Variants in COMMD7 observed in about 807,000 individuals in gnomAD.
COMMD7 encodes the protein COMM domain containing 7, also known as COMM domain-containing protein 7.
Under a neutral mutation model 34.8 loss-of-function variants are expected in COMMD7, and 28 were observed. That is an observed-to-expected ratio of 0.80 (90% CI 0.60 to 1.10). COMMD7 has a LOEUF of 1.10. COMMD7 is among the 50% of genes least tolerant of loss of function. The pLI, the probability that COMMD7 is intolerant of heterozygous loss-of-function variation, is 0.00. For missense variants in COMMD7, 211 were observed against 241.6 expected (o/e 0.87, Z 0.84); for synonymous variants, 80 against 86.4 (o/e 0.93, Z 0.41).
At chr20:32,728,612 G>A (rs1452536187) in intron 1 of COMMD7, among the ~76,000 whole-genome samples, 1 of 151,686 alleles carries the variant, frequency 6.6e-6, no homozygotes, top group East Asian at 1.9e-4. Flanking sequence ...TGTCACCCAG[G>A]CTGGAATGCA....
intron 3 of COMMD7, among the ~76,000 whole-genome samples, chr20:32,711,121 G>A (rs150862189): frequency 4.9e-4 from 74 of 151,888 alleles, no homozygotes; most frequent in Non-Finnish European, 8.4e-4. Flanking sequence ...CTTTGGCCGG[G>A]GGTGGTGGCT....
rs147442616 is a variant in COMMD7 at position 32,720,682 on chromosome 20, C to T, written c.241+7211G>A. Reference sequence around the variant, plus strand: ...AAATTAGCCAGGTGTGTTGGTGCACCGTAGTCCCAGCTACTCAGGAGGCTG... The same window carrying T: ...AAATTAGCCAGGTGTGTTGGTGCACTGTAGTCCCAGCTACTCAGGAGGCTG... On this transcript the variant is annotated intron_variant, in intron 3 of 8. Transcript: ENST00000278980. Among the ~76,000 whole-genome samples the T allele has an allele frequency of 1.0e-3, 154 of 151,700 alleles. 1 individual carries two copies. The highest frequency in any genetic ancestry group is 3.5e-3 in the African/African-American group (146 of 41,390).
At chr20:32,733,362 C>G (rs1985950954) in intron 1 of COMMD7, among the ~76,000 whole-genome samples, 1 of 151,930 alleles carries the variant, frequency 6.6e-6, no homozygotes, top group South Asian at 2.1e-4. Context: ...GGGGGGATAA[C>G]CAGAGGTTAG....
chr20:32,741,146 C>CA (rs1555828929), intron 1 of COMMD7, among the ~76,000 whole-genome samples: 1 of 94,586 alleles, frequency 1.1e-5, no homozygotes, highest in Non-Finnish European at 2.4e-5. Flanking sequence ...CCGTCTAAAA[C>CA]AAACAAACAA....
chr20:32,736,668 TCAAA>T lies in COMMD7; in HGVS notation c.84+6636_84+6639del, dbSNP rs541960935. On this transcript the variant is annotated intron_variant, in intron 1 of 8. Transcript: ENST00000278980. The stretch of plus-strand genomic sequence containing the variant: ...CTGGGTGATACAGCGAGACTCTGAC[TCAAA>T]CAAACAAACAAACAAACAACAACAA... Among the ~76,000 whole-genome samples the T allele has an allele frequency of 2.7e-4, 41 of 151,700 alleles. No homozygotes were observed. In the South Asian group the frequency reaches 2.7e-3, roughly 10 times the overall value.
chr20:32,722,809 C>A (rs1985252701), intron 3 of COMMD7, among the ~76,000 whole-genome samples: 2 of 150,652 alleles, frequency 1.3e-5, no homozygotes, highest in South Asian at 4.2e-4. Context: ...ATCACGAGGT[C>A]AAGAGATCGA....
chr20:32,730,386 C>G (rs1321512715), intron 1 of COMMD7, among the ~76,000 whole-genome samples: 1 of 151,730 alleles, frequency 6.6e-6, no homozygotes, highest in Non-Finnish European at 1.5e-5. Flanking sequence ...GAAACCCCGT[C>G]TCTACTAAGA....
At chr20:32,735,225 G>A (rs1180811718) in intron 1 of COMMD7, among the ~76,000 whole-genome samples, 3 of 113,930 alleles carry the variant, frequency 2.6e-5, no homozygotes, top group African/African-American at 6.3e-5. Flanking sequence ...GCAACAGCGC[G>A]AGACTCAAAA....
chr20:32,741,836 T>TA (rs1378855826), intron 1 of COMMD7, among the ~76,000 whole-genome samples: 7 of 152,188 alleles, frequency 4.6e-5, no homozygotes, highest in African/African-American at 1.7e-4. Flanking sequence ...CAATGCGCTA[T>TA]ACCATATATC....
At chr20:32,717,707 C>G (rs1984882641) in intron 3 of COMMD7, among the ~76,000 whole-genome samples, 1 of 151,978 alleles carries the variant, frequency 6.6e-6, no homozygotes, top group South Asian at 2.1e-4. Flanking sequence ...AGAGATTCTC[C>G]CCCTTTGACT....
Position 32,743,258 on chromosome 20 carries a change from A to C in COMMD7, c.84+50T>G, listed in dbSNP as rs776748097. On this transcript the variant is annotated intron_variant, in intron 1 of 8. Transcript: ENST00000278980. ...GACGTCCCCCCCACCCCAGGCCCGG[A>C]TCCTGGAATCACCTGGGCCCCGCGC... The C allele has an allele frequency of 1.7e-4, 93 of 533,596 alleles. 4 individuals carry two copies. Among genetic ancestry groups the C allele is most frequent in the African/African-American group, 1.2e-3 (52 of 44,300 alleles). The allele number at this position is 533,596 out of a possible 1,614,324, so 33.1% of individuals were successfully genotyped here.
chr20:32,736,290 G>T (rs1377154752), intron 1 of COMMD7, among the ~76,000 whole-genome samples: 1 of 152,212 alleles, frequency 6.6e-6, no homozygotes, highest in Non-Finnish European at 1.5e-5. Flanking sequence ...ACTTGGAGAA[G>T]TCTGATTATC....
At chr20:32,703,706 G>T in intron 8 of COMMD7, 1 of 1,440,242 alleles carries the variant, frequency 6.9e-7, no homozygotes, top group African/African-American at 1.4e-5. Context: ...AGATGAAAGG[G>T]TATCATTCGG....
At chr20:32,707,527 C>A (rs1290242475) in intron 3 of COMMD7, among the ~76,000 whole-genome samples, 1 of 151,764 alleles carries the variant, frequency 6.6e-6, no homozygotes, top group Admixed American at 6.6e-5. Context: ...ACCATGTTGA[C>A]CAGGCTGGTC....
chr20:32,721,806 G>T (rs1275387875), intron 3 of COMMD7, among the ~76,000 whole-genome samples: 1 of 152,002 alleles, frequency 6.6e-6, no homozygotes, highest in Non-Finnish European at 1.5e-5. Context: ...TAAGGCAGGA[G>T]AATTGCTTGA....
At chr20:32,725,514 C>T (rs1353581781) in intron 3 of COMMD7, among the ~76,000 whole-genome samples, 46 of 149,684 alleles carry the variant, frequency 3.1e-4, no homozygotes, top group Non-Finnish European at 8.9e-5. Flanking sequence ...CTGCAAACTC[C>T]GCCTCCCGGG....
At chr20:32,739,514 G>A (rs914617995) in intron 1 of COMMD7, among the ~76,000 whole-genome samples, 12 of 150,640 alleles carry the variant, frequency 8.0e-5, no homozygotes, top group African/African-American at 2.7e-4. Context: ...GAGTAGTGGC[G>A]GGTGCCTGTA....
intron 1 of COMMD7, among the ~76,000 whole-genome samples, chr20:32,733,255 GA>G (rs917011066): frequency 2.6e-5 from 4 of 151,886 alleles, no homozygotes; most frequent in Admixed American, 6.6e-5. Flanking sequence ...ATTGAAGGGA[GA>G]AAATAGGATA....
At chr20:32,708,940 G>A (rs1322152699) in intron 3 of COMMD7, among the ~76,000 whole-genome samples, 2 of 151,950 alleles carry the variant, frequency 1.3e-5, no homozygotes, top group Admixed American at 6.6e-5. Context: ...CCAAAGTGCT[G>A]GGATTACAGA....
Sources: allele counts gnomAD v4.1 joint callset (sites outside exome capture counted in the v4.1 genomes callset), GRCh38; gene constraint gnomAD v4.1.1; transcripts MANE v1.5; gene names NCBI Gene and HGNC (gene_info 2026-07-23, HGNC 2026-07-21).